The following ELN variants were observed in gnomAD, a reference collection of about 807,000 sequenced individuals.
ELN encodes elastin.
Under a neutral mutation model 105.8 loss-of-function variants are expected in ELN, and 65 were observed. The ratio of observed to expected loss-of-function variants is 0.61; its 90% confidence interval spans 0.50 to 0.75. ELN has a LOEUF of 0.75. Among genes scored for constraint, ELN ranks in the 30% least tolerant of loss-of-function variants. ELN has a pLI of 0.00. For missense variants in ELN, 882 were observed against 969.4 expected, an observed-to-expected ratio of 0.91 and a Z score of 1.20; for synonymous variants, 368 against 389.2, an observed-to-expected ratio of 0.95 and a Z score of 0.64.
chr7:74,036,490 G>T, intron 2 of ELN, 65 bp from the exon 3 acceptor site: 1 of 1,605,970 alleles, frequency 6.2e-7, no homozygotes, highest in South Asian at 1.1e-5. Flanking sequence ...CATAGCTGGG[G>T]GTGGCAGCGG....
rs1554664971 is a variant in ELN at position 74,035,424 on chromosome 7, A to G, written c.133+10A>G. ...GGAGTCTTTTATCCAGGTAACGTAC[A>G]TGAAACTTCCACACACCCAGGTCAT... is the stretch of plus-strand genomic sequence containing the variant. On this transcript the variant is annotated intron_variant, in intron 2 of 32. Transcript: ENST00000252034. 16 of 1,614,162 alleles carry G rather than the reference A, an allele frequency of 9.9e-6. No homozygotes were observed. Among genetic ancestry groups the G allele is most frequent in the Middle Eastern group, 1.6e-4 (1 of 6,062 alleles).
At chr7:74,036,686 A>G (rs1411582069) in intron 3 of ELN, 102 bp downstream of exon 3, 162 of 1,518,822 alleles carry the variant, frequency 1.1e-4, no homozygotes, top group East Asian at 1.8e-4. Context: ...CCGAGCATCA[A>G]GGACTCCCTC....
At position 74,047,703 on chromosome 7, in the gene ELN, G is replaced by A. The variant is rs1161519364; in HGVS notation, c.672G>A (p.Gly224=). 3 of 1,614,068 alleles carry A rather than the reference G, an allele frequency of 1.9e-6. No homozygotes were observed. The African/African-American group carries it at 4.0e-5, about 22-fold the overall frequency. ...PGGYGLPYTT[G]KLPYGYGPGG... is the part of the protein sequence containing the mutation. The stretch of plus-strand genomic sequence containing the variant: ...GCTATGGACTGCCCTACACCACAGG[G>A]AAACTGCCCTATGGTGAGTGAGACC... Residue 224 remains glycine, a synonymous_variant, in exon 13 of 33, where the codon GGG becomes GGA. Coordinates refer to ENST00000252034, the MANE Select transcript of ELN (RefSeq NM_000501.4).
In ELN at chr7:74,065,721, C is replaced by T. The variant is rs1563880422; in HGVS notation, c.2021C>T (p.Ala674Val). ...GGIPPAAAAK[A>V]AKYGAAGLGG... ...ATACCTCCAGCTGCAGCCGCTAAAGCAGCTAAATACGGTGAGTTCCCCTCT... is the reference window on the plus strand; with the variant it reads ...ATACCTCCAGCTGCAGCCGCTAAAGTAGCTAAATACGGTGAGTTCCCCTCT... Residue 674 changes from alanine to valine, a missense_variant, in exon 30 of 33, where the codon GCA becomes GTA. By Grantham distance (64) the Ala-to-Val change is moderately conservative. Coordinates refer to ENST00000252034, the MANE Select transcript of ELN (RefSeq NM_000501.4). The T allele has an allele frequency of 6.2e-7, 1 of 1,614,020 alleles. No homozygotes were observed. The highest frequency in any genetic ancestry group is 8.5e-7 in the Non-Finnish European group (1 of 1,180,008).
chr7:74,058,081 C>T (rs1481124550), intron 22 of ELN, among the ~76,000 whole-genome samples: 1 of 150,676 alleles, frequency 6.6e-6, no homozygotes, highest in African/African-American at 2.5e-5. Flanking sequence ...TCTTTCTTCT[C>T]CTCCTCCTCC....
intron 17 of ELN, chr7:74,052,887 G>GAGAAAGAA (rs542395457): frequency 1.0e-5 from 5 of 502,512 alleles, no homozygotes; most frequent in African/African-American, 5.8e-5. Context: ...GAGAGAGAGA[G>GAGAAAGAA]AGAAAGAAAG....
intron 17 of ELN, 31 bp from the exon 18 acceptor site, chr7:74,053,132 G>A: frequency 1.2e-6 from 2 of 1,614,094 alleles, no homozygotes; most frequent in Non-Finnish European, 1.7e-6. Flanking sequence ...GGTTCCCATA[G>A]GTTAGGGGAA....
intron 22 of ELN, 82 bp from the exon 23 acceptor site, chr7:74,059,804 C>G: frequency 1.2e-6 from 1 of 820,424 alleles, no homozygotes. Flanking sequence ...ATGCCAGGGC[C>G]GAGGCTCCAG....
chr7:74,057,351 G>A, intron 21 of ELN: 1 of 1,471,662 alleles, frequency 6.8e-7, no homozygotes, highest in Non-Finnish European at 8.9e-7. Flanking sequence ...GTACTGGGAG[G>A]GGCAAGGCTG....
rs1348204421 is a variant in ELN, at chr7:74,069,078, G to A, written c.*378G>A. On this transcript the variant is annotated 3_prime_UTR_variant, in exon 33 of 33. Coordinates refer to ENST00000252034, the MANE Select transcript of ELN (RefSeq NM_000501.4). ...CCCCTCGGGGAACCCCCTACCTGGG[G>A]CTCCTCTAAAGATGGTGCAGACACT... The A allele has an allele frequency of 1.2e-5, 5 of 406,636 alleles. No homozygotes were observed. Among genetic ancestry groups the A allele is most frequent in the African/African-American group, 9.9e-5 (5 of 50,312 alleles). 25.2% of individuals were successfully genotyped at this position (406,636 alleles called of 1,614,324 possible).
chr7:74,043,360 GC>G, intron 8 of ELN, 192 bp downstream of exon 8: 2 of 868,550 alleles, frequency 2.3e-6, no homozygotes, highest in Admixed American at 4.1e-5. Context: ...CACTTCCCGG[GC>G]CCTTCTCCCG....
chr7:74,056,230 T>G, intron 19 of ELN, 41 bp from the exon 20 acceptor site: 1 of 1,614,052 alleles, frequency 6.2e-7, no homozygotes. Flanking sequence ...CCAGCCTCTC[T>G]CACTGAGCTT....
chr7:74,053,208 G>A lies in ELN; in HGVS notation c.995G>A (p.Gly332Glu), dbSNP rs1554677322. The change falls in exon 18 of 33, where the codon GGA becomes GAA. Residue 332 changes from glycine (G) to glutamate (E), a missense_variant. Coordinates refer to ENST00000252034, the MANE Select transcript of ELN (RefSeq NM_000501.4). ...CCTGGTGGGCCAGGCTTTGGCCCGG[G>A]AGTAGTTGGTGTCCCAGGAGCTGGC... ...LVPGGPGFGP[G>E]VVGVPGAGVP... 5 of 1,614,196 alleles carry A rather than the reference G, an allele frequency of 3.1e-6. No homozygotes were observed. Among genetic ancestry groups the A allele is most frequent in the South Asian group, 2.2e-5 (2 of 91,080 alleles).
rs1259380753 is a variant in ELN at position 74,053,148 on chromosome 7, C to T, written c.950-15C>T. ...GTTCCCATAGGTTAGGGGAACAATG[C>T]TTTTTCTTCCACAGGAGCTGCTGCA... On this transcript the variant is annotated splice_polypyrimidine_tract_variant and intron_variant, in intron 17 of 32. Coordinates refer to ENST00000252034, the MANE Select transcript of ELN (RefSeq NM_000501.4). 2 of 1,614,174 alleles carry T rather than the reference C, an allele frequency of 1.2e-6. No individual in the cohort carries two copies. The highest frequency in any genetic ancestry group is 1.7e-5 in the Admixed American group (1 of 60,026).
chr7:74,048,405 A>T, intron 14 of ELN, 98 bp from the exon 15 acceptor site: 1 of 1,563,608 alleles, frequency 6.4e-7, no homozygotes, highest in South Asian at 1.1e-5. Context: ...GTATACCCAC[A>T]TGTCAGTGGA....
intron 19 of ELN, 123 bp from the exon 20 acceptor site, chr7:74,056,148 G>T: frequency 7.4e-7 from 1 of 1,357,018 alleles, no homozygotes; most frequent in Non-Finnish European, 1.0e-6. Flanking sequence ...CCAGTTTTCT[G>T]TCTTTTATGG....
rs28424575 is a variant in ELN, at chr7:74,045,197, C to T, written c.470-25C>T. On this transcript the variant is annotated intron_variant, in intron 9 of 32. Transcript: ENST00000252034. Reference sequence around the variant, plus strand: ...AGGGCCTGCAAGGCCTGCCTTCCTACACTCACTGCTTTGTCCCCCGGCAGG... The same window carrying T: ...AGGGCCTGCAAGGCCTGCCTTCCTATACTCACTGCTTTGTCCCCCGGCAGG... 6,920 of 1,613,690 alleles carry T rather than the reference C, an allele frequency of 4.3e-3. 230 individuals carry two copies. In the African/African-American group the frequency reaches 0.082, roughly 19 times the overall value.
chr7:74,054,293 T>C lies in ELN; in HGVS notation c.1097-423T>C, dbSNP rs1250701376. On this transcript the variant is annotated intron_variant, in intron 18 of 32. Coordinates refer to ENST00000252034, the MANE Select transcript of ELN (RefSeq NM_000501.4). ...GACCAGCCTGGCCAATATGGTGAAA[T>C]CCCATCTCCACTAAAAATAGAAAAA... Among the ~76,000 whole-genome samples the C allele has an allele frequency of 3.3e-5, 5 of 151,698 alleles. No homozygotes were observed. The South Asian group carries it at 8.3e-4, about 25-fold the overall frequency.
At chr7:74,032,081 G>A (rs1256992511) in intron 1 of ELN, among the ~76,000 whole-genome samples, 1 of 152,160 alleles carries the variant, frequency 6.6e-6, no homozygotes, top group Admixed American at 6.5e-5. Context: ...TGGGAGGTAT[G>A]CAAGCAGAAC....
Sources: allele counts gnomAD v4.1 joint callset (sites outside exome capture counted in the v4.1 genomes callset), GRCh38; gene constraint gnomAD v4.1.1; transcripts MANE v1.5; gene names NCBI Gene and HGNC (gene_info 2026-07-23, HGNC 2026-07-21).